RELN: variants seen among roughly 807,000 people sequenced by gnomAD.
RELN encodes the protein reelin.
Under a neutral mutation model 427.6 loss-of-function variants are expected in RELN, and 108 were observed. The ratio of observed to expected loss-of-function variants is 0.25; its 90% CI spans 0.22 to 0.30. The LOEUF is 0.30. Among genes scored for constraint, RELN ranks in the 10% least tolerant of loss-of-function variants. The pLI is 1.00. For synonymous variants in RELN, 1,524 were observed against 1,513.4 expected (o/e 1.01, Z -0.16); for missense variants, 3,715 against 4,302.8 (o/e 0.86, Z 3.82).
In RELN at chr7:103,577,006, A is replaced by G. The variant is rs58834262; in HGVS notation, c.4146-1301T>C. Among the ~76,000 whole-genome samples the G allele has an allele frequency of 6.2e-3, 938 of 152,312 alleles. 7 individuals are homozygous for G. Among genetic ancestry groups the G allele is most frequent in the African/African-American group, 0.018 (760 of 41,558 alleles). Reference sequence around the variant, plus strand: ...CACTCCTATAATTTCATACCAGGGAACTATCTCTTCCTTCTCAGTTCCGCT... The same window carrying G: ...CACTCCTATAATTTCATACCAGGGAGCTATCTCTTCCTTCTCAGTTCCGCT... On this transcript the variant is annotated intron_variant, in intron 28 of 64. Transcript: ENST00000428762.
At chr7:103,721,591 A>G (rs2115900021) in intron 8 of RELN, among the ~76,000 whole-genome samples, 1 of 152,344 alleles carries the variant, frequency 6.6e-6, no homozygotes, top group South Asian at 2.1e-4. Context: ...TCACCAAAAT[A>G]GTAATTTTTC....
At chr7:103,493,234 A>G (rs914821636) in intron 57 of RELN, among the ~76,000 whole-genome samples, 1 of 152,200 alleles carries the variant, frequency 6.6e-6, no homozygotes, top group Non-Finnish European at 1.5e-5. Context: ...TAGTGCAAAC[A>G]GAGAAGATTG....
Position 103,557,991 on chromosome 7 carries a change from TG to T in RELN, c.5587del (p.Gln1863SerfsTer7). ...DLDCTNTMYV[Q>X]FSLRFIAKST... Reference sequence around the variant, plus strand: ...TTTTGCTATAAATCTAAGTGAAAACTGGACATACATTGTATTTGTACAATCT... The same window carrying T: ...TTTTGCTATAAATCTAAGTGAAAACTGACATACATTGTATTTGTACAATCT... On this transcript the variant is annotated frameshift_variant, in exon 37 of 65. Transcript: ENST00000428762. LOFTEE classifies it high-confidence loss of function. 1 of 1,465,606 alleles carries T rather than the reference TG, an allele frequency of 6.8e-7. No individual in the cohort carries two copies. Among genetic ancestry groups the T allele is most frequent in the Non-Finnish European group, 9.6e-7 (1 of 1,044,924 alleles). The allele number at this position is 1,465,606 out of a possible 1,614,324, so 90.8% of individuals were successfully genotyped here. A position where few individuals can be genotyped will look rare whatever the true frequency, so the allele number is the denominator to read the frequency against.
At chr7:103,590,584 AT>A (rs1371013634) in intron 27 of RELN, among the ~76,000 whole-genome samples, 20 of 151,508 alleles carry the variant, frequency 1.3e-4, no homozygotes, top group African/African-American at 4.8e-4. Flanking sequence ...AAATAAATAA[AT>A]AAATAAATAA....
chr7:103,829,094 A>T (rs1347774188), intron 3 of RELN, among the ~76,000 whole-genome samples: 3 of 152,026 alleles, frequency 2.0e-5, no homozygotes, highest in Non-Finnish European at 4.4e-5. Context: ...GCAAACTGAG[A>T]TAATAATAGT....
At chr7:103,744,762 G>T (rs1483679882) in intron 6 of RELN, among the ~76,000 whole-genome samples, 1 of 151,714 alleles carries the variant, frequency 6.6e-6, no homozygotes, top group Non-Finnish European at 1.5e-5. Flanking sequence ...CTGAAATTGA[G>T]GAAATAATCA....
intron 51 of RELN, among the ~76,000 whole-genome samples, chr7:103,509,875 C>A (rs919843011): frequency 4.6e-5 from 7 of 151,880 alleles, no homozygotes; most frequent in African/African-American, 1.4e-4. Flanking sequence ...ATGTGGCCAA[C>A]AAACTTGAAA....
intron 17 of RELN, among the ~76,000 whole-genome samples, chr7:103,638,089 A>C (rs545658701): frequency 6.6e-6 from 1 of 152,162 alleles, no homozygotes; most frequent in Admixed American, 6.6e-5. Flanking sequence ...AAAACAAAAA[A>C]CTTTGTAGTC....
At chr7:103,783,995 CATTT>C in intron 3 of RELN, among the ~76,000 whole-genome samples, 2 of 152,206 alleles carry the variant, frequency 1.3e-5, no homozygotes, top group East Asian at 3.9e-4. Context: ...GAGAAGGAGA[CATTT>C]ATCATTGGCA....
chr7:103,638,329 G>T (rs1225168187), intron 17 of RELN, among the ~76,000 whole-genome samples: 3 of 152,158 alleles, frequency 2.0e-5, no homozygotes, highest in Non-Finnish European at 2.9e-5. Context: ...TCTCTAACAG[G>T]GTTGGGCTTA....
intron 4 of RELN, among the ~76,000 whole-genome samples, chr7:103,761,897 T>G (rs1791309803): frequency 6.6e-6 from 1 of 152,058 alleles, no homozygotes; most frequent in Admixed American, 6.6e-5. Context: ...TGAGAACATA[T>G]GGCTTTTAAG....
chr7:103,678,978 T>G (rs1022767512), intron 11 of RELN, among the ~76,000 whole-genome samples: 11 of 152,334 alleles, frequency 7.2e-5, no homozygotes, highest in Admixed American at 7.2e-4. Flanking sequence ...AGAATTTTAC[T>G]ACCAAATTTT....
chr7:103,777,915 A>AC (rs1554417542), intron 3 of RELN, among the ~76,000 whole-genome samples: 2 of 151,380 alleles, frequency 1.3e-5, no homozygotes, highest in Non-Finnish European at 2.9e-5. Context: ...ACACACACAC[A>AC]ATGGCACAAT....
intron 51 of RELN, among the ~76,000 whole-genome samples, chr7:103,509,813 AT>A: frequency 6.6e-6 from 1 of 151,436 alleles, no homozygotes; most frequent in Non-Finnish European, 1.5e-5. Context: ...AAAAAAAAAC[AT>A]CAAAAAGTGG....
intron 20 of RELN, chr7:103,628,273 G>A (rs1321079335): frequency 3.9e-5 from 6 of 152,126 alleles, no homozygotes; most frequent in Non-Finnish European, 8.8e-5. Flanking sequence ...AGCATCTGAG[G>A]CTATCAAATA....
intron 4 of RELN, among the ~76,000 whole-genome samples, chr7:103,773,430 T>TCC (rs1791653311): frequency 3.5e-5 from 1 of 28,920 alleles, no homozygotes; most frequent in Non-Finnish European, 5.9e-5. Context: ...TCGCTCCCTC[T>TCC]CTCTCTCTCT....
chr7:103,971,866 A>C (rs1195491767), intron 1 of RELN, among the ~76,000 whole-genome samples: 2 of 73,828 alleles, frequency 2.7e-5, no homozygotes, highest in East Asian at 2.7e-4. Flanking sequence ...TGAGGTCAAG[A>C]GTTCAAGACC....
At chr7:103,556,144 T>C (rs1354212195) in intron 38 of RELN, among the ~76,000 whole-genome samples, 1 of 152,206 alleles carries the variant, frequency 6.6e-6, no homozygotes, top group African/African-American at 2.4e-5. Flanking sequence ...CTGAAGCAAG[T>C]GTATGTGATA....
intron 49 of RELN, 142 bp downstream of exon 49, chr7:103,519,181 C>T: frequency 1.5e-6 from 1 of 682,980 alleles, no homozygotes; most frequent in Non-Finnish European, 2.6e-6. Flanking sequence ...TTATCCAGCT[C>T]AGAAACCCTT....
Sources: allele counts gnomAD v4.1 joint callset (sites outside exome capture counted in the v4.1 genomes callset), GRCh38; gene constraint gnomAD v4.1.1; transcripts MANE v1.5; gene names NCBI Gene and HGNC (gene_info 2026-07-23, HGNC 2026-07-21).